Variants in ADAMTS6 observed in about 807,000 individuals in gnomAD.
ADAMTS6 encodes the protein A disintegrin and metalloproteinase with thrombospondin motifs 6.
ADAMTS6 carries 23 observed loss-of-function variants against 144.3 expected under a neutral mutation model. That is an observed-to-expected ratio of 0.16 (90% confidence interval 0.11 to 0.23). The LOEUF (loss-of-function observed/expected upper bound fraction) is 0.23. ADAMTS6 is among the 10% of genes least tolerant of loss of function. ADAMTS6 has a pLI of 1.00. For synonymous variants in ADAMTS6, 444 were observed against 457.5 expected (o/e 0.97, Z 0.38); for missense variants, 999 against 1,379.6 (o/e 0.72, Z 4.37).
At chr5:65,230,712 A>G (rs1194332762) in intron 15 of ADAMTS6, among the ~76,000 whole-genome samples, 1 of 101,070 alleles carries the variant, frequency 9.9e-6, no homozygotes, top group Non-Finnish European at 1.9e-5. Flanking sequence ...AAATATATAT[A>G]ACACATATGT....
chr5:65,270,182 C>T (rs1326256454), intron 12 of ADAMTS6, among the ~76,000 whole-genome samples: 2 of 152,158 alleles, frequency 1.3e-5, no homozygotes, highest in Non-Finnish European at 1.5e-5. Flanking sequence ...AAACTAACCA[C>T]AGAAAGTTGA....
At position 65,406,160 on chromosome 5, in the gene ADAMTS6, CT is replaced by C. The variant is rs577715882; in HGVS notation, c.1073+45314del. On this transcript the variant is annotated intron_variant, in intron 7 of 24. Coordinates refer to ENST00000381055, the MANE Select transcript of ADAMTS6 (RefSeq NM_197941.4). ...TATTTCTTTCTCCTGCCTAATTGCCCTGGCCAGAGCTTCCAACACTATGTTA... is the reference window on the plus strand; with the variant it reads ...TATTTCTTTCTCCTGCCTAATTGCCCGGCCAGAGCTTCCAACACTATGTTA... Among the ~76,000 whole-genome samples the C allele has an allele frequency of 4.1e-3, 617 of 152,256 alleles. 1 individual carries two copies. The highest frequency in any genetic ancestry group is 7.0e-3 in the Non-Finnish European group (478 of 68,012).
At chr5:65,238,179 T>C (rs571201184) in intron 15 of ADAMTS6, among the ~76,000 whole-genome samples, 4 of 152,212 alleles carry the variant, frequency 2.6e-5, no homozygotes, top group Non-Finnish European at 4.4e-5. Context: ...TCAATACATG[T>C]ACAAATTATA....
chr5:65,409,164 G>A (rs1429310044), intron 7 of ADAMTS6, among the ~76,000 whole-genome samples: 1 of 152,126 alleles, frequency 6.6e-6, no homozygotes, highest in African/African-American at 2.4e-5. Context: ...CAGAACTGAA[G>A]GAGACAGAGA....
At chr5:65,389,297 C>G (rs6876060) in intron 7 of ADAMTS6, among the ~76,000 whole-genome samples, 3 of 152,096 alleles carry the variant, frequency 2.0e-5, no homozygotes, top group African/African-American at 7.2e-5. Flanking sequence ...GTGGTACAGG[C>G]ATACTAAGCC....
In ADAMTS6 at chr5:65,471,132, C is replaced by T; in HGVS notation, c.108G>A (p.Leu36=). 1 of 1,587,044 alleles carries T rather than the reference C, an allele frequency of 6.3e-7. No homozygotes were observed. Among genetic ancestry groups the T allele is most frequent in the South Asian group, 1.2e-5 (1 of 84,592 alleles). The part of the protein sequence containing the change: ...RLSYSSQEEF[L]TYLEHYQLTI... ...TTAGCTGGTAGTGTTCAAGATAAGT[C>T]AGGAATTCCTCTTTGTAATCACAAG... Residue 36 remains leucine (L), a synonymous_variant, in exon 3 of 25, where the codon CTG becomes CTA. Coordinates refer to ENST00000381055, the MANE Select transcript of ADAMTS6 (RefSeq NM_197941.4).
At chr5:65,425,258 C>A (rs1034765042) in intron 7 of ADAMTS6, among the ~76,000 whole-genome samples, 9 of 152,182 alleles carry the variant, frequency 5.9e-5, no homozygotes, top group Non-Finnish European at 1.2e-4. Context: ...GAACTCCTGA[C>A]CTCAGGTGAT....
intron 7 of ADAMTS6, among the ~76,000 whole-genome samples, chr5:65,382,777 C>T (rs1752150891): frequency 6.6e-6 from 1 of 152,194 alleles, no homozygotes; most frequent in East Asian, 1.9e-4. Flanking sequence ...TCCTGACCAC[C>T]ATATCTAAGT....
intron 7 of ADAMTS6, among the ~76,000 whole-genome samples, chr5:65,382,376 C>A (rs1672010691): frequency 6.6e-6 from 1 of 152,150 alleles, no homozygotes; most frequent in Admixed American, 6.5e-5. Context: ...CTGATTTGAG[C>A]CCCACACTCT....
chr5:65,460,278 C>T lies in ADAMTS6; in HGVS notation c.523G>A (p.Glu175Lys), dbSNP rs1759546461. The change falls in exon 4 of 25, where the codon GAG (glutamate) becomes AAG (lysine). Residue 175 changes from glutamate (E) to lysine (K), a missense_variant. Around this residue, in one of 3 missense-constraint regions of ADAMTS6, gnomAD observed 252 missense variants for 293.7 expected, o/e 0.86. Transcript: ENST00000381055. Reference protein sequence around the residue: ...YFIEPLKNTTEDSKHFSYENG... With the variant: ...YFIEPLKNTTKDSKHFSYENG... ...TCATAACTAAAATGCTTGGAATCCT[C>T]TGTGGTATTCTTTAAAGGTTCGATA... is the stretch of plus-strand genomic sequence containing the variant. The T allele has an allele frequency of 1.2e-6, 2 of 1,614,018 alleles. No homozygotes were observed. Among genetic ancestry groups the T allele is most frequent in the Non-Finnish European group, 1.7e-6 (2 of 1,179,928 alleles).
At chr5:65,284,019 T>A in intron 11 of ADAMTS6, among the ~76,000 whole-genome samples, 1 of 152,052 alleles carries the variant, frequency 6.6e-6, no homozygotes, top group Non-Finnish European at 1.5e-5. Flanking sequence ...CCTGCTATCC[T>A]CTCCCAAGTT....
chr5:65,460,365 A>C, intron 3 of ADAMTS6, 27 bp from the exon 4 acceptor site: 4 of 1,552,528 alleles, frequency 2.6e-6, no homozygotes, highest in Non-Finnish European at 3.5e-6. Context: ...CAAAGAACTT[A>C]CCAAAGAGAA....
chr5:65,371,694 T>A (rs1750937625), intron 7 of ADAMTS6, among the ~76,000 whole-genome samples: 2 of 152,138 alleles, frequency 1.3e-5, no homozygotes, highest in Admixed American at 1.3e-4. Context: ...TGGAAAACAC[T>A]CTGCAGGATA....
intron 9 of ADAMTS6, among the ~76,000 whole-genome samples, chr5:65,309,037 A>G (rs959961545): frequency 6.6e-6 from 1 of 152,090 alleles, no homozygotes; most frequent in East Asian, 1.9e-4. Flanking sequence ...GATGTGTGAT[A>G]TAACAGTGGT....
rs1752025643 is a variant in ADAMTS6 at position 65,149,515 on chromosome 5, C to G, written c.*2321G>C. 1 of 152,368 alleles carries G rather than the reference C, an allele frequency of 6.6e-6. No homozygotes were observed. Among genetic ancestry groups the G allele is most frequent in the Admixed American group, 6.5e-5 (1 of 15,282 alleles). The allele number at this position is 152,368 out of a possible 1,614,324, so 9.4% of individuals were successfully genotyped here. A position where few individuals can be genotyped will look rare whatever the true frequency, so the allele number is the denominator to read the frequency against. On this transcript the variant is annotated 3_prime_UTR_variant, in exon 25 of 25. Coordinates refer to ENST00000381055, the MANE Select transcript of ADAMTS6 (RefSeq NM_197941.4). ...GCTGGGGCACATCCCAGAAGTGACACTGACTGCCCTCCTCTTCCAGCATCA... is the reference window on the plus strand; with the variant it reads ...GCTGGGGCACATCCCAGAAGTGACAGTGACTGCCCTCCTCTTCCAGCATCA...
rs553523274 is a variant in ADAMTS6 at position 65,452,689 on chromosome 5, T to C, written c.843+18A>G. 8 of 1,612,562 alleles carry C rather than the reference T, an allele frequency of 5.0e-6. No homozygotes were observed. In the East Asian group the frequency reaches 6.7e-5, roughly 13 times the overall value. On this transcript the variant is annotated intron_variant, in intron 5 of 24. Transcript: ENST00000381055. ...AACAAATATGAAGTAAAATATTATA[T>C]AGAGGGATCAAACTTACAATATTCA... is the stretch of plus-strand genomic sequence containing the variant.
At chr5:65,428,623 T>C (rs1279343899) in intron 7 of ADAMTS6, among the ~76,000 whole-genome samples, 1 of 152,206 alleles carries the variant, frequency 6.6e-6, no homozygotes, top group Non-Finnish European at 1.5e-5. Flanking sequence ...AGTTGCTTAC[T>C]TTTCTCTGCA....
chr5:65,219,117 G>A (rs1423871109), intron 18 of ADAMTS6, among the ~76,000 whole-genome samples: 1 of 152,080 alleles, frequency 6.6e-6, no homozygotes, highest in African/African-American at 2.4e-5. Context: ...CAGCAAGATG[G>A]TAGGCTTAAA....
At chr5:65,313,145 AC>A (rs1744663779) in intron 9 of ADAMTS6, among the ~76,000 whole-genome samples, 1 of 124,464 alleles carries the variant, frequency 8.0e-6, no homozygotes, top group Non-Finnish European at 1.6e-5. Flanking sequence ...ACACACACAC[AC>A]ACACACACAC....
Sources: allele counts gnomAD v4.1 joint callset (sites outside exome capture counted in the v4.1 genomes callset), GRCh38; gene constraint gnomAD v4.1.1; regional missense constraint gnomAD v4.1.1; transcripts MANE v1.5; gene names NCBI Gene and HGNC (gene_info 2026-07-23, HGNC 2026-07-21).